ARHGAP32: variants seen among roughly 807,000 people sequenced by gnomAD.
The protein encoded by ARHGAP32 is rho GTPase-activating protein 32.
In ARHGAP32, 51 loss-of-function variants were observed where a neutral mutation model predicts 186.5. The ratio of observed to expected loss-of-function variants is 0.27; its 90% CI spans 0.22 to 0.35. ARHGAP32 has a LOEUF of 0.35. Among genes scored for constraint, ARHGAP32 ranks in the 10% least tolerant of loss-of-function variants. The pLI is 1.00. For missense variants in ARHGAP32, 2,186 were observed against 2,623.5 expected, an observed-to-expected ratio of 0.83 and a Z score of 3.64; for synonymous variants, 950 against 964.3, an observed-to-expected ratio of 0.99 and a Z score of 0.27.
At chr11:129,093,779 A>G in intron 5 of ARHGAP32, 72 bp from the exon 6 acceptor site, 1 of 1,037,574 alleles carries the variant, frequency 9.6e-7, no homozygotes, top group Non-Finnish European at 1.5e-6. Context: ...CTAAGCATTC[A>G]TAATACCTGG....
At chr11:129,172,358 A>C (rs922589732) in intron 1 of ARHGAP32, among the ~76,000 whole-genome samples, 1 of 152,182 alleles carries the variant, frequency 6.6e-6, no homozygotes, top group African/African-American at 2.4e-5. Flanking sequence ...TATCTAGCTT[A>C]TTGAGAGTTT....
At chr11:129,230,128 G>C (rs968105298) in intron 1 of ARHGAP32, among the ~76,000 whole-genome samples, 19 of 152,122 alleles carry the variant, frequency 1.2e-4, no homozygotes, top group African/African-American at 4.6e-4. Context: ...ATATTTTTAA[G>C]CTGCTAAATG....
Position 129,144,757 on chromosome 11 carries a change from G to GA in ARHGAP32, c.225+19561dup, listed in dbSNP as rs1315625932. ...GAACAACAGGATGAGAAGACTGAAG[G>GA]AAAAAACATGATTTCTGAAAGTGAT... On this transcript the variant is annotated intron_variant, in intron 2 of 22. Coordinates refer to ENST00000682385, the MANE Select transcript of ARHGAP32 (RefSeq NM_001378024.1). Among the ~76,000 whole-genome samples the GA allele has an allele frequency of 5.3e-5, 8 of 152,190 alleles. No individual in the cohort carries two copies. In the East Asian group the frequency reaches 1.4e-3, roughly 26 times the overall value.
chr11:129,213,782 C>A (rs1944611301), intron 1 of ARHGAP32, among the ~76,000 whole-genome samples: 1 of 151,798 alleles, frequency 6.6e-6, no homozygotes, highest in South Asian at 2.1e-4. Flanking sequence ...GCCAAAATGA[C>A]AAATCATACG....
At chr11:128,992,260 T>C (rs2134693892) in intron 12 of ARHGAP32, among the ~76,000 whole-genome samples, 1 of 152,258 alleles carries the variant, frequency 6.6e-6, no homozygotes, top group East Asian at 1.9e-4. Flanking sequence ...TAATATTTTG[T>C]ACCAAACATA....
At chr11:129,269,144 C>T (rs1315227889) in intron 1 of ARHGAP32, among the ~76,000 whole-genome samples, 2 of 152,000 alleles carry the variant, frequency 1.3e-5, no homozygotes, top group Admixed American at 6.5e-5. Context: ...TGGTGGTGCA[C>T]ACCTGTAATT....
chr11:129,027,212 A>G (rs538252573), intron 11 of ARHGAP32, among the ~76,000 whole-genome samples: 2 of 152,168 alleles, frequency 1.3e-5, no homozygotes, highest in Admixed American at 1.3e-4. Flanking sequence ...CTCATCACTT[A>G]CACAGCTACC....
intron 1 of ARHGAP32, among the ~76,000 whole-genome samples, chr11:129,234,560 A>T (rs1227997831): frequency 1.3e-5 from 2 of 152,156 alleles, no homozygotes; most frequent in Non-Finnish European, 2.9e-5. Flanking sequence ...TATCAATATA[A>T]TCTATATATC....
intron 1 of ARHGAP32, among the ~76,000 whole-genome samples, chr11:129,181,713 G>A (rs973661561): frequency 4.6e-5 from 7 of 152,070 alleles, no homozygotes; most frequent in Admixed American, 2.0e-4. Flanking sequence ...GTTTGCTGAA[G>A]CCAGTTGGAA....
At chr11:129,035,223 G>A (rs1484543782) in intron 11 of ARHGAP32, among the ~76,000 whole-genome samples, 1 of 150,258 alleles carries the variant, frequency 6.7e-6, no homozygotes, top group Non-Finnish European at 1.5e-5. Context: ...TTTTTCCTAA[G>A]GTACCATGGG....
intron 1 of ARHGAP32, among the ~76,000 whole-genome samples, chr11:129,275,571 G>C (rs1161201799): frequency 6.6e-6 from 1 of 152,048 alleles, no homozygotes; most frequent in African/African-American, 2.4e-5. Context: ...AAAAAAAAAA[G>C]TTAAGTCCTA....
At chr11:129,187,941 G>C (rs1308181892) in intron 1 of ARHGAP32, among the ~76,000 whole-genome samples, 1 of 151,628 alleles carries the variant, frequency 6.6e-6, no homozygotes, top group Non-Finnish European at 1.5e-5. Context: ...TTTTTTGTGT[G>C]GTTTTTTTGT....
chr11:129,092,905 CA>C (rs1461992855), intron 6 of ARHGAP32, among the ~76,000 whole-genome samples: 1 of 151,818 alleles, frequency 6.6e-6, no homozygotes, highest in Admixed American at 6.6e-5. Context: ...CACCAGTAGG[CA>C]AAAAGCTCAA....
chr11:128,971,689 G>A (rs766658506), intron 22 of ARHGAP32: 37 of 153,252 alleles, frequency 2.4e-4, no homozygotes, highest in Non-Finnish European at 4.2e-4. Context: ...CCTTAGTCTG[G>A]CCAAAGATAA....
chr11:128,986,721 T>C, intron 13 of ARHGAP32, 53 bp from the exon 14 acceptor site: 3 of 1,576,592 alleles, frequency 1.9e-6, no homozygotes, highest in African/African-American at 2.7e-5. Flanking sequence ...AGAGCAAATA[T>C]GTGTCTTAAA....
chr11:129,206,235 A>G (rs941347311), intron 1 of ARHGAP32, among the ~76,000 whole-genome samples: 1 of 152,104 alleles, frequency 6.6e-6, no homozygotes, highest in Non-Finnish European at 1.5e-5. Flanking sequence ...TTACTGAAAC[A>G]TGGTCTCACT....
intron 5 of ARHGAP32, among the ~76,000 whole-genome samples, chr11:129,106,861 C>A (rs1470417285): frequency 6.6e-6 from 1 of 151,972 alleles, no homozygotes; most frequent in Non-Finnish European, 1.5e-5. Flanking sequence ...TCAAGTGGAC[C>A]AACTCTCGCA....
chr11:128,977,013 AAGAAAACAC>A (rs986700584), intron 19 of ARHGAP32, among the ~76,000 whole-genome samples: 37 of 152,296 alleles, frequency 2.4e-4, no homozygotes, highest in African/African-American at 8.9e-4. Flanking sequence ...GTGTCCTCGT[AAGAAAACAC>A]AGAGATGGCC....
At chr11:129,057,776 C>G (rs79061373) in intron 10 of ARHGAP32, among the ~76,000 whole-genome samples, 2 of 150,806 alleles carry the variant, frequency 1.3e-5, no homozygotes, top group African/African-American at 4.9e-5. Flanking sequence ...GGATTAACTG[C>G]GTATTTAGAG....
Sources: allele counts gnomAD v4.1 joint callset (sites outside exome capture counted in the v4.1 genomes callset), GRCh38; gene constraint gnomAD v4.1.1; transcripts MANE v1.5; gene names NCBI Gene and HGNC (gene_info 2026-07-23, HGNC 2026-07-21).